GRK7: variants seen among roughly 807,000 people sequenced by gnomAD.
GRK7 encodes G protein-coupled receptor kinase 7.
GRK7 carries 24 observed loss-of-function variants against 34.1 expected under a neutral mutation model. That is an observed-to-expected ratio of 0.70 (90% CI 0.51 to 0.99). The LOEUF (loss-of-function observed/expected upper bound fraction) is 0.99. GRK7 is among the 50% of genes least tolerant of loss of function. The probability of loss-of-function intolerance (pLI) is 0.00; values close to 1 mark genes in which losing one functional copy is unlikely to be tolerated. For missense variants in GRK7, 644 were observed against 707.3 expected, an observed-to-expected ratio of 0.91 and a Z score of 1.02; for synonymous variants, 256 against 279.4, an observed-to-expected ratio of 0.92 and a Z score of 0.84.
intron 4 of GRK7, among the ~76,000 whole-genome samples, chr3:141,792,056 G>A (rs1484540685): frequency 2.7e-5 from 4 of 147,538 alleles, no homozygotes; most frequent in Middle Eastern, 3.4e-3. Flanking sequence ...GCAGAAAATG[G>A]ACATGATTCC....
At chr3:141,754,339 A>G in the GRK7 span, among the ~76,000 whole-genome samples, 1 of 151,862 alleles carries the variant, frequency 6.6e-6, no homozygotes. Context: ...ATTTTCAGAC[A>G]GGCCTCATAT....
At chr3:141,812,805 C>T (rs1486569593) in intron 5 of GRK7, among the ~76,000 whole-genome samples, 1 of 152,148 alleles carries the variant, frequency 6.6e-6, no homozygotes, top group African/African-American at 2.4e-5. Context: ...AGCTCCTGGG[C>T]GTCTCCATTT....
In GRK7 at chr3:141,778,404, C is replaced by A. The variant is rs1415278045; in HGVS notation, c.120C>A (p.Pro40=). 1 of 1,612,458 alleles carries A rather than the reference C, an allele frequency of 6.2e-7. No homozygotes were observed. Among genetic ancestry groups the A allele is most frequent in the Admixed American group, 1.7e-5 (1 of 59,960 alleles). The change falls in exon 3 of 6, where the codon CCC becomes CCA. Residue 40 remains proline, a synonymous_variant. Coordinates refer to ENST00000682958, the MANE Select transcript of GRK7 (RefSeq NM_139209.3). The surrounding 1 kb of genome is among the most constrained non-coding windows in gnomAD (Gnocchi z 4.1). ...GGCGGCGGCGTAGCCTGGCCCTGCC[C>A]GGGCTGCAGGGCTGCGCGGAGCTCC... The part of the protein sequence containing the change: ...LQRRRRSLAL[P]GLQGCAELRQ...
chr3:141,778,853 A>G lies in GRK7; in HGVS notation c.569A>G (p.Tyr190Cys), dbSNP rs763488179. The change falls in exon 3 of 6, where the codon TAC (tyrosine) becomes TGC (cysteine). Residue 190 changes from tyrosine (Y) to cysteine (C), a missense_variant. Coordinates refer to ENST00000682958, the MANE Select transcript of GRK7 (RefSeq NM_139209.3). The surrounding 1 kb of genome is among the most constrained non-coding windows in gnomAD (Gnocchi z 4.1). ...GAGATGCAACCAGTGTCAGACAAGTACTTCACTGAGTTCAGAGTGCTGGGG... is the reference window on the plus strand; with the variant it reads ...GAGATGCAACCAGTGTCAGACAAGTGCTTCACTGAGTTCAGAGTGCTGGGG... ...LFEMQPVSDKYFTEFRVLGKG... is the reference protein window; with the variant it reads ...LFEMQPVSDKCFTEFRVLGKG... The G allele has an allele frequency of 1.9e-6, 3 of 1,612,530 alleles. No homozygotes were observed. Among genetic ancestry groups the G allele is most frequent in the Admixed American group, 3.3e-5 (2 of 59,790 alleles).
Position 141,778,763 on chromosome 3 carries a change from A to G in GRK7, c.479A>G (p.Glu160Gly), listed in dbSNP as rs765662924. The part of the protein sequence containing the change: ...AKAEAMAFLQ[E>G]QPFKDFVTSA... ...GCTGAGGCCATGGCTTTCTTGCAAG[A>G]GCAGCCCTTTAAGGATTTCGTGACC... Residue 160 changes from glutamate (E) to glycine (G), a missense_variant, in exon 3 of 6, where the codon GAG (glutamate) becomes GGG (glycine). Physicochemically the swap from Glu to Gly is moderately conservative, Grantham distance 98 (BLOSUM62 -2). Transcript: ENST00000682958. The surrounding 1 kb of genome is among the most constrained non-coding windows in gnomAD (Gnocchi z 4.1). The G allele has an allele frequency of 3.7e-6, 6 of 1,608,678 alleles. No homozygotes were observed. Among genetic ancestry groups the G allele is most frequent in the Admixed American group, 3.4e-5 (2 of 59,106 alleles).
rs79064253 is a variant in GRK7 at position 141,778,498 on chromosome 3, G to T, written c.214G>T (p.Asp72Tyr). ...QQPIGRRLFR[D>Y]FLATVPTFRK... ...GCCCATCGGTCGCCGCCTCTTCCGT[G>T]ACTTCCTAGCCACAGTGCCCACGTT... The change falls in exon 3 of 6, where the codon GAC (aspartate) becomes TAC (tyrosine). Residue 72 changes from aspartate to tyrosine, a missense_variant. Coordinates refer to ENST00000682958, the MANE Select transcript of GRK7 (RefSeq NM_139209.3). This position sits in a 1 kb window ranked among gnomAD's most constrained non-coding sequence, Gnocchi z 4.1. The T allele has an allele frequency of 9.1e-4, 1,469 of 1,613,266 alleles. 7 individuals are homozygous for T. The African/African-American group carries it at 0.018, about 20-fold the overall frequency.
At chr3:141,802,801 TG>T (rs1710984069) in intron 4 of GRK7, among the ~76,000 whole-genome samples, 1 of 152,080 alleles carries the variant, frequency 6.6e-6, no homozygotes, top group Admixed American at 6.6e-5. Context: ...AAACGGGAGA[TG>T]GGAAGGACTG....
intron 4 of GRK7, among the ~76,000 whole-genome samples, chr3:141,784,979 C>T (rs1042027696): frequency 1.3e-5 from 2 of 152,232 alleles, no homozygotes; most frequent in African/African-American, 4.8e-5. Context: ...CAGTACTCCT[C>T]AGAGAGTTCC....
At chr3:141,810,415 C>G (rs915904575) in intron 5 of GRK7, among the ~76,000 whole-genome samples, 2 of 151,704 alleles carry the variant, frequency 1.3e-5, no homozygotes, top group African/African-American at 4.8e-5. Context: ...CTCTCAGAGA[C>G]AGATTTATAT....
chr3:141,800,929 A>AT, intron 4 of GRK7, among the ~76,000 whole-genome samples: 1 of 152,336 alleles, frequency 6.6e-6, no homozygotes, highest in South Asian at 2.1e-4. Flanking sequence ...ACGTTATTGT[A>AT]TATTAATTAT....
At chr3:141,801,117 T>C (rs1304499087) in intron 4 of GRK7, among the ~76,000 whole-genome samples, 1 of 151,892 alleles carries the variant, frequency 6.6e-6, no homozygotes, top group Non-Finnish European at 1.5e-5. Context: ...GAGACCATCC[T>C]GGCTAACAGG....
At chr3:141,809,124 C>T (rs1417448445) in intron 5 of GRK7, among the ~76,000 whole-genome samples, 1 of 152,050 alleles carries the variant, frequency 6.6e-6, no homozygotes, top group African/African-American at 2.4e-5. Context: ...ATCACTTGAA[C>T]CCAGGAGGCG....
chr3:141,815,699 C>CTGTGTGTGTGTGTGTGTG (rs61336912), intron 5 of GRK7, among the ~76,000 whole-genome samples: 4 of 145,912 alleles, frequency 2.7e-5, no homozygotes, highest in Non-Finnish European at 6.0e-5. Flanking sequence ...CTATTTTGAG[C>CTGTGTGTGTGTGTGTGTG]TGTGTGTGTG....
intron 4 of GRK7, among the ~76,000 whole-genome samples, chr3:141,791,193 G>A (rs1466687968): frequency 6.6e-6 from 1 of 152,164 alleles, no homozygotes. Context: ...CATTCAGAGG[G>A]ATAATGGGAG....
chr3:141,789,656 C>CAAAAAAAGAAAAAAAAAAAAAAAAAAA, intron 4 of GRK7, among the ~76,000 whole-genome samples: 1 of 119,232 alleles, frequency 8.4e-6, no homozygotes, highest in Non-Finnish European at 1.7e-5. Flanking sequence ...GCCAAATGGG[C>CAAAAAAAGAAAAAAAAAAAAAAAAAAA]AAAAAAAAAA....
At chr3:141,762,772 G>A (rs192670974), upstream of GRK7, among the ~76,000 whole-genome samples, 2 of 152,280 alleles carry the variant, frequency 1.3e-5, no homozygotes, top group East Asian at 1.9e-4. Flanking sequence ...GCGAGATTCC[G>A]TGGGGAGATT....
rs1577916021 is a variant in GRK7 at position 141,783,525 on chromosome 3, A to C, written c.1050+2714A>C. Among the ~76,000 whole-genome samples, 4 of 152,320 alleles carry C rather than the reference A, an allele frequency of 2.6e-5. No homozygotes were observed. In the East Asian group the frequency reaches 7.7e-4, roughly 29 times the overall value. Reference sequence around the variant, plus strand: ...ATTTCAGGGAGGAAAGTGTGGTCAAAGTGTCAAGTGTTGCAAAGAGGTAAC... The same window carrying C: ...ATTTCAGGGAGGAAAGTGTGGTCAACGTGTCAAGTGTTGCAAAGAGGTAAC... On this transcript the variant is annotated intron_variant, in intron 4 of 5. Coordinates refer to ENST00000682958, the MANE Select transcript of GRK7 (RefSeq NM_139209.3).
At chr3:141,781,209 G>T (rs2084671003) in intron 4 of GRK7, among the ~76,000 whole-genome samples, 1 of 152,010 alleles carries the variant, frequency 6.6e-6, no homozygotes, top group African/African-American at 2.4e-5. Flanking sequence ...AAAATTCCAT[G>T]ATCCTAGGAG....
At chr3:141,773,135 C>A (rs1215455071) in intron 1 of GRK7, among the ~76,000 whole-genome samples, 25 of 113,184 alleles carry the variant, frequency 2.2e-4, no homozygotes, top group Non-Finnish European at 3.3e-4. Context: ...GACTTTGTCT[C>A]AAAAAAAAAA....
Sources: allele counts gnomAD v4.1 joint callset (sites outside exome capture counted in the v4.1 genomes callset), GRCh38; gene constraint gnomAD v4.1.1; non-coding constraint Gnocchi (gnomAD v3.1); transcripts MANE v1.5; gene names NCBI Gene and HGNC (gene_info 2026-07-23, HGNC 2026-07-21).